Variants in VAC14 observed in about 807,000 individuals in gnomAD.
VAC14 encodes VAC14 component of PIKFYVE complex.
In VAC14, 47 loss-of-function variants were observed where a neutral mutation model predicts 85.3. That is an observed-to-expected ratio of 0.55 (90% CI 0.44 to 0.70). The LOEUF (loss-of-function observed/expected upper bound fraction) is 0.70, where lower values mean the gene tolerates loss of function less well. Ranked by LOEUF, VAC14 falls within the 30% of genes least tolerant of loss-of-function variation. The probability of loss-of-function intolerance (pLI) is 0.00; values close to 1 mark genes in which losing one functional copy is unlikely to be tolerated. For synonymous variants in VAC14, 447 were observed against 430.5 expected, an observed-to-expected ratio of 1.04 and a Z score of -0.47; for missense variants, 861 against 1,004.3, an observed-to-expected ratio of 0.86 and a Z score of 1.93.
chr16:70,762,890 A>T lies in VAC14; in HGVS notation c.1296T>A (p.Thr432=). ...GGGGCCCAGGGCTCACCTTCCGAGG[A>T]GTTTTGATGTAGAGGTGGTAGAGCC... is the stretch of plus-strand genomic sequence containing the variant. ...LKWLYHLYIK[T]PRKMFRHTDS... The change falls in exon 11 of 19, where the codon ACT becomes ACA. Residue 432 remains threonine, a synonymous_variant. Transcript: ENST00000261776. The surrounding 1 kb of genome is among the most constrained non-coding windows in gnomAD (Gnocchi z 4.1). 6.2e-7 allele frequency: 1 copy of T among 1,614,174 alleles called. No homozygotes were observed. The highest frequency in any genetic ancestry group is 8.5e-7 in the Non-Finnish European group (1 of 1,180,044).
At chr16:70,774,153 C>A (rs1331471760) in intron 9 of VAC14, among the ~76,000 whole-genome samples, 1 of 152,178 alleles carries the variant, frequency 6.6e-6, no homozygotes, top group Non-Finnish European at 1.5e-5. Context: ...ATTTGAACAT[C>A]ACGAGTTTTT....
At chr16:70,776,132 G>T (rs981305970) in intron 9 of VAC14, among the ~76,000 whole-genome samples, 1 of 152,116 alleles carries the variant, frequency 6.6e-6, no homozygotes, top group African/African-American at 2.4e-5. Flanking sequence ...TAGAAATGGG[G>T]TCTCATTCTC....
At chr16:70,780,618 C>A (rs2033762207) in intron 9 of VAC14, among the ~76,000 whole-genome samples, 172 bp downstream of exon 9, 1 of 152,218 alleles carries the variant, frequency 6.6e-6, no homozygotes, top group South Asian at 2.1e-4. Context: ...GTCCTGTCTG[C>A]AGAATGGGGG....
chr16:70,784,664 A>C, intron 4 of VAC14, 112 bp downstream of exon 4: 1 of 1,086,048 alleles, frequency 9.2e-7, no homozygotes, highest in Non-Finnish European at 1.4e-6. Flanking sequence ...ATGTAAATTT[A>C]AAATATATTT....
At chr16:70,772,244 A>C in intron 9 of VAC14, 72 bp from the exon 10 acceptor site, 1 of 1,310,186 alleles carries the variant, frequency 7.6e-7, no homozygotes, top group Admixed American at 1.7e-5. Context: ...CCCCTGTGAC[A>C]AGCACACACA....
intron 14 of VAC14, chr16:70,731,216 T>C (rs2054580060): frequency 9.5e-7 from 1 of 1,054,408 alleles, no homozygotes; most frequent in South Asian, 3.1e-5. Flanking sequence ...TGGCATTGAA[T>C]AAGAGGCTGT....
chr16:70,692,557 G>C (rs767027706), intron 18 of VAC14, among the ~76,000 whole-genome samples: 1 of 152,210 alleles, frequency 6.6e-6, no homozygotes. Flanking sequence ...GCCTCACTGA[G>C]CTGGACCCTG....
chr16:70,740,722 G>A (rs1415185291), intron 13 of VAC14, among the ~76,000 whole-genome samples: 3 of 152,324 alleles, frequency 2.0e-5, no homozygotes, highest in Admixed American at 2.0e-4. Flanking sequence ...GCCCGCCCAG[G>A]CTGCTCCCCA....
chr16:70,774,910 TA>T (rs1014301566), intron 9 of VAC14, among the ~76,000 whole-genome samples: 2 of 151,854 alleles, frequency 1.3e-5, no homozygotes, highest in African/African-American at 4.8e-5. Context: ...CATGCCCGGC[TA>T]ATTTTTTTTT....
intron 13 of VAC14, among the ~76,000 whole-genome samples, chr16:70,734,880 C>T (rs2054701546): frequency 6.6e-6 from 1 of 152,140 alleles, no homozygotes; most frequent in Admixed American, 6.5e-5. Context: ...TAAGGATTAT[C>T]CAAAGTCACA....
chr16:70,779,760 G>T (rs9302616), intron 9 of VAC14, among the ~76,000 whole-genome samples: 5,896 of 152,242 alleles, frequency 0.039, 365 homozygotes, highest in African/African-American at 0.13. Context: ...AGAGACCCAA[G>T]AAATATGAAA....
rs759884920 is a variant in VAC14, at chr16:70,724,748, G to T, written c.1661+6747C>A. Among the ~76,000 whole-genome samples, 105 of 152,218 alleles carry T rather than the reference G, an allele frequency of 6.9e-4. 1 individual carries two copies. Among genetic ancestry groups the T allele is most frequent in the Non-Finnish European group, 1.4e-3 (92 of 68,044 alleles). ...GAAAGCTCCAGAAGATTCACACAAG[G>T]AGCTGGACAGACAACTCAAGCCAGC... On this transcript the variant is annotated intron_variant, in intron 14 of 18. Coordinates refer to ENST00000261776, the MANE Select transcript of VAC14 (RefSeq NM_018052.5).
chr16:70,741,046 C>T (rs2030242630), intron 13 of VAC14, among the ~76,000 whole-genome samples: 1 of 152,262 alleles, frequency 6.6e-6, no homozygotes, highest in Non-Finnish European at 1.5e-5. Context: ...TTGCTAGGCT[C>T]CCTGCCTCCG....
At chr16:70,714,472 G>T (rs1393857630) in intron 14 of VAC14, 1 of 152,248 alleles carries the variant, frequency 6.6e-6, no homozygotes. Context: ...GTCAACTGTG[G>T]GGGCAGGGGG....
Position 70,762,157 on chromosome 16 carries a change from G to C in VAC14, c.1371+383C>G, listed in dbSNP as rs2032445800. 6.6e-6 allele frequency among the ~76,000 whole-genome samples: 1 copy of C among 151,996 alleles called. No individual in the cohort carries two copies. Among genetic ancestry groups the C allele is most frequent in the Non-Finnish European group, 1.5e-5 (1 of 67,994 alleles). On this transcript the variant is annotated intron_variant, in intron 12 of 18. Transcript: ENST00000261776. The surrounding 1 kb of genome is among the most constrained non-coding windows in gnomAD (Gnocchi z 4.1). ...GGGTCTCACTCTGTCGCCCAAGCTG[G>C]AGTGCAGTGGCACGATCTCTGCTCA...
chr16:70,741,888 C>T (rs1465596288), intron 13 of VAC14, among the ~76,000 whole-genome samples: 1 of 152,202 alleles, frequency 6.6e-6, no homozygotes, highest in Non-Finnish European at 1.5e-5. Context: ...GCCCCTGGCC[C>T]TGCCGCCCAA....
intron 16 of VAC14, 31 bp downstream of exon 16, chr16:70,697,108 T>C (rs1316652550): frequency 1.3e-6 from 2 of 1,591,532 alleles, no homozygotes; most frequent in Non-Finnish European, 1.7e-6. Flanking sequence ...CCTCAGAGGC[T>C]CAACCCCAAC....
chr16:70,787,101 G>C (rs1461605109), intron 1 of VAC14, among the ~76,000 whole-genome samples: 1 of 152,200 alleles, frequency 6.6e-6, no homozygotes, highest in Admixed American at 6.5e-5. Context: ...ATGAGCCGGT[G>C]AAAGTTTTCC....
rs1037681856 is a variant in VAC14, at chr16:70,787,614, G to C, written c.105-1249C>G. Among the ~76,000 whole-genome samples the C allele has an allele frequency of 2.0e-5, 3 of 152,232 alleles. No homozygotes were observed. The East Asian group carries it at 5.8e-4, about 29-fold the overall frequency. Reference sequence around the variant, plus strand: ...AATCTCACATGGCATGTGGTGGCAGGAGTGCCCCAGATCACTGATGGAGGA... The same window carrying C: ...AATCTCACATGGCATGTGGTGGCAGCAGTGCCCCAGATCACTGATGGAGGA... On this transcript the variant is annotated intron_variant, in intron 1 of 18. Coordinates refer to ENST00000261776, the MANE Select transcript of VAC14 (RefSeq NM_018052.5).
Sources: gnomAD v4.1 joint callset for allele counts (sites outside exome capture counted in the v4.1 genomes callset) on GRCh38, gnomAD v4.1.1 for gene constraint, Gnocchi (gnomAD v3.1) non-coding constraint, MANE v1.5 for transcripts, NCBI Gene and HGNC (gene_info 2026-07-23, HGNC 2026-07-21) for gene names.